The following MAP3K7 variants were observed in gnomAD, a reference collection of about 807,000 sequenced individuals.
The protein encoded by MAP3K7 is TGF-beta activated kinase 1.
Under a neutral mutation model 84.8 loss-of-function variants are expected in MAP3K7, and 21 were observed. That is an observed-to-expected ratio of 0.25 (90% CI 0.18 to 0.36). The LOEUF (loss-of-function observed/expected upper bound fraction) is 0.36. MAP3K7 is among the 10% of genes least tolerant of loss of function. The pLI, the probability that MAP3K7 is intolerant of heterozygous loss-of-function variation, is 1.00. For synonymous variants in MAP3K7, 241 were observed against 247.7 expected (o/e 0.97, Z 0.25); for missense variants, 503 against 747.7 (o/e 0.67, Z 3.82).
chr6:90,568,905 A>AG (rs1422491792), intron 2 of MAP3K7, among the ~76,000 whole-genome samples: 3 of 152,200 alleles, frequency 2.0e-5, no homozygotes, highest in Non-Finnish European at 4.4e-5. Flanking sequence ...AGGAGTTATG[A>AG]ACAAGGCACG....
Position 90,548,175 on chromosome 6 carries a change from A to C in MAP3K7, c.952T>G (p.Ser318Ala). 1 of 1,605,510 alleles carries C rather than the reference A, an allele frequency of 6.2e-7. No individual in the cohort carries two copies. Among genetic ancestry groups the C allele is most frequent in the Middle Eastern group, 1.7e-4 (1 of 6,014 alleles). Residue 318 changes from serine (S) to alanine (A), a missense_variant and splice_region_variant, in exon 10 of 17, where the codon TCA becomes GCA. Ser to Ala is a moderately conservative substitution (Grantham distance 99). Transcript: ENST00000369329. ...GQSNSATSTG[S>A]FMDIASTNTS... ...TTTGTAGAAGCAATGTCCATGAATGAGCCTAGGAAAAGCAGAAACATTTAT... is the reference window on the plus strand; with the variant it reads ...TTTGTAGAAGCAATGTCCATGAATGCGCCTAGGAAAAGCAGAAACATTTAT...
chr6:90,520,558 C>A (rs1775117088), intron 14 of MAP3K7, among the ~76,000 whole-genome samples: 1 of 151,782 alleles, frequency 6.6e-6, no homozygotes, highest in Non-Finnish European at 1.5e-5. Flanking sequence ...ATTATTCATA[C>A]TAAATGGAGA....
intron 3 of MAP3K7, among the ~76,000 whole-genome samples, chr6:90,567,621 G>A (rs1414544023): frequency 6.6e-6 from 1 of 152,198 alleles, no homozygotes; most frequent in Non-Finnish European, 1.5e-5. Context: ...TGGTGGGACT[G>A]TAAACTAGTT....
intron 1 of MAP3K7, among the ~76,000 whole-genome samples, chr6:90,581,906 T>G (rs1777284269): frequency 6.6e-6 from 1 of 152,258 alleles, no homozygotes; most frequent in African/African-American, 2.4e-5. Context: ...TTAAGTTCTA[T>G]CTATATCTCC....
At chr6:90,516,819 T>C (rs1774979169) in intron 16 of MAP3K7, 138 bp from the exon 17 acceptor site, 1 of 626,048 alleles carries the variant, frequency 1.6e-6, no homozygotes, top group Admixed American at 3.6e-5. Context: ...CAAATATAAT[T>C]ATGGGCTGGG....
chr6:90,548,021 G>T, intron 10 of MAP3K7, 26 bp downstream of exon 10: 1 of 1,594,282 alleles, frequency 6.3e-7, no homozygotes, highest in African/African-American at 1.3e-5. Flanking sequence ...AAGGTTACCA[G>T]TTTTACTTGT....
intron 13 of MAP3K7, among the ~76,000 whole-genome samples, chr6:90,530,765 A>G (rs1775483043): frequency 6.6e-6 from 1 of 152,236 alleles, no homozygotes; most frequent in African/African-American, 2.4e-5. Flanking sequence ...CAAGGCATAA[A>G]TAAGAGGAAC....
intron 12 of MAP3K7, among the ~76,000 whole-genome samples, chr6:90,541,718 T>C (rs1190799707): frequency 1.3e-5 from 2 of 151,958 alleles, no homozygotes; most frequent in Non-Finnish European, 2.9e-5. Context: ...GCTAAGTTGC[T>C]TTTTCTTCCA....
chr6:90,580,216 T>C (rs995170754), intron 1 of MAP3K7, among the ~76,000 whole-genome samples: 5 of 152,146 alleles, frequency 3.3e-5, no homozygotes, highest in Admixed American at 3.3e-4. Context: ...TGTTACAAAC[T>C]ACAGAAAGCA....
chr6:90,523,641 A>C (rs1259411714), intron 14 of MAP3K7, 37 bp downstream of exon 14: 2 of 1,348,914 alleles, frequency 1.5e-6, no homozygotes, highest in African/African-American at 2.9e-5. Context: ...AACATGACTG[A>C]TTCAACTTCA....
At chr6:90,569,433 G>A (rs755898281) in intron 2 of MAP3K7, among the ~76,000 whole-genome samples, 1 of 152,100 alleles carries the variant, frequency 6.6e-6, no homozygotes, top group Non-Finnish European at 1.5e-5. Flanking sequence ...AGAGGTCAAT[G>A]AGGGGTTTGG....
intron 2 of MAP3K7, among the ~76,000 whole-genome samples, chr6:90,569,884 T>C (rs1242561092): frequency 6.6e-6 from 1 of 152,174 alleles, no homozygotes; most frequent in African/African-American, 2.4e-5. Flanking sequence ...CTTCCTCTTC[T>C]CTATTACATA....
At chr6:90,561,854 G>A (rs1475032398) in intron 3 of MAP3K7, among the ~76,000 whole-genome samples, 187 bp from the exon 4 acceptor site, 1 of 152,116 alleles carries the variant, frequency 6.6e-6, no homozygotes, top group Non-Finnish European at 1.5e-5. Context: ...TGTCTTCTAG[G>A]AGTCCACTAA....
chr6:90,544,212 G>T (rs1466767747), intron 12 of MAP3K7, among the ~76,000 whole-genome samples: 1 of 152,074 alleles, frequency 6.6e-6, no homozygotes, highest in Non-Finnish European at 1.5e-5. Flanking sequence ...ATTTTAATTA[G>T]TTGTTTCCTC....
At chr6:90,568,373 C>T (rs1287633125) in intron 3 of MAP3K7, among the ~76,000 whole-genome samples, 185 bp downstream of exon 3, 3 of 151,878 alleles carry the variant, frequency 2.0e-5, no homozygotes. Flanking sequence ...CTCATATAGT[C>T]CTTGAACTAT....
intron 13 of MAP3K7, among the ~76,000 whole-genome samples, chr6:90,524,870 T>C (rs972020579): frequency 6.6e-6 from 1 of 152,164 alleles, no homozygotes; most frequent in Non-Finnish European, 1.5e-5. Flanking sequence ...GTTTTAAATA[T>C]TGTTCAGGAT....
At position 90,586,804 on chromosome 6, in the gene MAP3K7, T is replaced by C. The variant is rs936804341; in HGVS notation, c.80A>G (p.Asn27Ser). ...CTCCTTGTAGTCGATCTCTTCAAAG[T>C]TGAGGACCTGGGAAGGGGCTTCGAT... The part of the protein sequence containing the change: ...EMIEAPSQVL[N>S]FEEIDYKEIE... Residue 27 changes from asparagine (N) to serine (S), a missense_variant, in exon 1 of 17, where the codon AAC (asparagine) becomes AGC (serine). Asn to Ser is a conservative substitution (Grantham distance 46). Around this residue, in one of 5 missense-constraint regions of MAP3K7, gnomAD observed 41 missense variants for 41.4 expected, o/e 0.99. Coordinates refer to ENST00000369329, the MANE Select transcript of MAP3K7 (RefSeq NM_145331.3). The C allele has an allele frequency of 1.9e-6, 3 of 1,610,234 alleles. No individual in the cohort carries two copies. The highest frequency in any genetic ancestry group is 2.5e-6 in the Non-Finnish European group (3 of 1,178,328).
rs35085021 is a variant in MAP3K7 at position 90,523,053 on chromosome 6, C to T, written c.1462+625G>A. Among the ~76,000 whole-genome samples, 1,105 of 152,144 alleles carry T rather than the reference C, an allele frequency of 7.3e-3. 15 individuals are homozygous for T. Among genetic ancestry groups the T allele is most frequent in the African/African-American group, 0.025 (1,045 of 41,506 alleles). The stretch of plus-strand genomic sequence containing the variant: ...CATTTCCTGTTTGCCCATAATGAAA[C>T]GATGCCGTCACTACCTTTAGGCAGG... On this transcript the variant is annotated intron_variant, in intron 14 of 16. Transcript: ENST00000369329.
intron 13 of MAP3K7, among the ~76,000 whole-genome samples, chr6:90,532,008 C>T (rs1225340511): frequency 6.7e-6 from 1 of 149,648 alleles, no homozygotes; most frequent in Non-Finnish European, 1.5e-5. Context: ...GAAAGGTATA[C>T]TATGAAGAAG....
Sources: allele counts gnomAD v4.1 joint callset (sites outside exome capture counted in the v4.1 genomes callset), GRCh38; gene constraint gnomAD v4.1.1; regional missense constraint gnomAD v4.1.1; transcripts MANE v1.5; gene names NCBI Gene and HGNC (gene_info 2026-07-23, HGNC 2026-07-21).